The following FUZ variants were observed in gnomAD, a reference collection of about 807,000 sequenced individuals.
The protein encoded by FUZ is protein fuzzy homolog.
FUZ carries 31 observed loss-of-function variants against 43.1 expected under a neutral mutation model. That is an observed-to-expected ratio of 0.72 (90% confidence interval 0.54 to 0.97). The LOEUF (loss-of-function observed/expected upper bound fraction) is 0.97, where lower values mean the gene tolerates loss of function less well. Ranked by LOEUF, FUZ falls within the 50% of genes least tolerant of loss-of-function variation. The pLI, the probability that FUZ is intolerant of heterozygous loss-of-function variation, is 0.00. For missense variants in FUZ, 539 were observed against 543.8 expected, an observed-to-expected ratio of 0.99 and a Z score of 0.09; for synonymous variants, 274 against 250.0, an observed-to-expected ratio of 1.10 and a Z score of -0.91.
rs757100171 is a variant in FUZ at position 49,809,407 on chromosome 19, G to C, written c.661C>G (p.Pro221Ala). Residue 221 changes from proline (P) to alanine (A), a missense_variant, in exon 6 of 11, where the codon CCG (proline) becomes GCG (alanine). Physicochemically the swap from Pro to Ala is conservative, Grantham distance 27. Coordinates refer to ENST00000313777, the MANE Select transcript of FUZ (RefSeq NM_025129.5). The surrounding 1 kb of genome is among the most constrained non-coding windows in gnomAD (Gnocchi z 5.1). Reference sequence around the variant, plus strand: ...GGGCTCCCGTGCGGCAGGTACACCGGGTAGTCGCGAGCGGTCTGCGGCGGC... The same window carrying C: ...GGGCTCCCGTGCGGCAGGTACACCGCGTAGTCGCGAGCGGTCTGCGGCGGC... Reference protein sequence around the residue: ...SLPPQTARDYPVYLPHGSPTV... With the variant: ...SLPPQTARDYAVYLPHGSPTV... 1.3e-6 allele frequency: 2 copies of C among 1,543,586 alleles called. No homozygotes were observed. The highest frequency in any genetic ancestry group is 3.9e-5 in the Admixed American group (2 of 51,000).
intron 2 of FUZ, 84 bp downstream of exon 2, chr19:49,812,531 A>G: frequency 6.3e-7 from 1 of 1,581,900 alleles, no homozygotes; most frequent in Non-Finnish European, 8.7e-7. Flanking sequence ...AGCTGCTTTT[A>G]GAGAGCTGGA....
chr19:49,811,782 C>T, intron 3 of FUZ, 83 bp from the exon 4 acceptor site: 2 of 1,151,154 alleles, frequency 1.7e-6, no homozygotes, highest in South Asian at 1.2e-5. Flanking sequence ...CTGGGACTCC[C>T]ACTTCTGGGT....
At chr19:49,808,157 GC>G in intron 10 of FUZ, 1 of 567,950 alleles carries the variant, frequency 1.8e-6, no homozygotes, top group South Asian at 1.9e-5. Context: ...ACGTGTAAAG[GC>G]ACTGGGAAGA....
Position 49,808,472 on chromosome 19 carries a change from C to A in FUZ, c.975G>T (p.Gln325His). The change falls in exon 10 of 11, where the codon CAG becomes CAT. Residue 325 changes from glutamine (Q) to histidine (H), a missense_variant. Coordinates refer to ENST00000313777, the MANE Select transcript of FUZ (RefSeq NM_025129.5). ...AGAAGTTTCGGAGGAGGCGCCGGCG[C>A]TGTTCTGGTGAAGGCTCTGCTGGGA... ...PLGDKEPSPE[Q>H]RRRLLRNFYT... The A allele has an allele frequency of 6.2e-7, 1 of 1,612,304 alleles. No homozygotes were observed. The highest frequency in any genetic ancestry group is 8.5e-7 in the Non-Finnish European group (1 of 1,179,520).
Position 49,812,351 on chromosome 19 carries a change from GAGA to G in FUZ, c.234-19_234-17del. ...GAGGGTGATGCTGTGGAATGGAAGT[GAGA>G]AGAATGAGTCAAGGCCTGGGGAATC... On this transcript the variant is annotated splice_polypyrimidine_tract_variant and intron_variant, in intron 2 of 10. Coordinates refer to ENST00000313777, the MANE Select transcript of FUZ (RefSeq NM_025129.5). 1 of 1,607,692 alleles carries G rather than the reference GAGA, an allele frequency of 6.2e-7. No individual in the cohort carries two copies. Among genetic ancestry groups the G allele is most frequent in the Admixed American group, 1.7e-5 (1 of 60,016 alleles).
chr19:49,809,399 G>A lies in FUZ; in HGVS notation c.669C>T (p.Tyr223=). 6.5e-7 allele frequency: 1 copy of A among 1,543,718 alleles called. No homozygotes were observed. Among genetic ancestry groups the A allele is most frequent in the Non-Finnish European group, 8.7e-7 (1 of 1,146,814 alleles). Residue 223 remains tyrosine (Y), a synonymous_variant, in exon 6 of 11, where the codon TAC becomes TAT. Coordinates refer to ENST00000313777, the MANE Select transcript of FUZ (RefSeq NM_025129.5). This position sits in a 1 kb window ranked among gnomAD's most constrained non-coding sequence, Gnocchi z 5.1. ...PPQTARDYPV[Y]LPHGSPTVPH... ...TCACCGTGGGGCTCCCGTGCGGCAG[G>A]TACACCGGGTAGTCGCGAGCGGTCT...
chr19:49,809,171 A>G lies in FUZ; in HGVS notation c.778T>C (p.Tyr260His). 1 of 1,551,714 alleles carries G rather than the reference A, an allele frequency of 6.4e-7. No homozygotes were observed. The highest frequency in any genetic ancestry group is 8.7e-7 in the Non-Finnish European group (1 of 1,147,132). ...ACGTGGCGCGGGTTCACCTGTGGATACAACTGGCTGAGGGGTGGGCTCGGC... is the reference window on the plus strand; with the variant it reads ...ACGTGGCGCGGGTTCACCTGTGGATGCAACTGGCTGAGGGGTGGGCTCGGC... ...CGPSPPLSQL[Y>H]PQLLERWWQP... The change falls in exon 7 of 11, where the codon TAT becomes CAT. Residue 260 changes from tyrosine (Y) to histidine (H), a missense_variant. By Grantham distance (83) the Tyr-to-His change is moderately conservative. Coordinates refer to ENST00000313777, the MANE Select transcript of FUZ (RefSeq NM_025129.5). This position sits in a 1 kb window ranked among gnomAD's most constrained non-coding sequence, Gnocchi z 5.1.
At chr19:49,812,912 C>T in intron 1 of FUZ, 84 bp downstream of exon 1, 1 of 1,390,282 alleles carries the variant, frequency 7.2e-7, no homozygotes, top group Middle Eastern at 1.8e-4. Flanking sequence ...AACACTGAAA[C>T]TTCCCCAGCC....
chr19:49,808,518 GC>G (rs747195499), intron 9 of FUZ, 30 bp from the exon 10 acceptor site: 10 of 1,601,296 alleles, frequency 6.2e-6, no homozygotes, highest in Middle Eastern at 1.8e-4. Flanking sequence ...GTGATGCAGA[GC>G]GCCTCCCCGG....
At position 49,812,875 on chromosome 19, in the gene FUZ, C is replaced by T. The variant is rs1416418164; in HGVS notation, c.111+121G>A. ...TCTTTGGGGAACCAGGCTTATTGGTCCATTGCCTCCTCGGTCCTACAAATT... is the reference window on the plus strand; with the variant it reads ...TCTTTGGGGAACCAGGCTTATTGGTTCATTGCCTCCTCGGTCCTACAAATT... On this transcript the variant is annotated intron_variant, in intron 1 of 10. Transcript: ENST00000313777. The T allele has an allele frequency of 2.2e-6, 3 of 1,344,220 alleles. No homozygotes were observed. The East Asian group carries it at 7.1e-5, about 32-fold the overall frequency. The allele number at this position is 1,344,220 out of a possible 1,614,324, so 83.3% of individuals were successfully genotyped here.
In FUZ at chr19:49,807,020, T is replaced by TGCCCCC; in HGVS notation, c.*130_*131insGGGGGC. Reference sequence around the variant, plus strand: ...AGGGGCCAGGGAAGTGGATGTCTCCTCCCCTCCCACCCCACCCTGTTGTAG... The same window carrying TGCCCCC: ...AGGGGCCAGGGAAGTGGATGTCTCCTGCCCCCCCCCTCCCACCCCACCCTGTTGTAG... On this transcript the variant is annotated 3_prime_UTR_variant, in exon 11 of 11. Coordinates refer to ENST00000313777, the MANE Select transcript of FUZ (RefSeq NM_025129.5). 6.0e-6 allele frequency: 8 copies of TGCCCCC among 1,338,530 alleles called. No homozygotes were observed. Among genetic ancestry groups the TGCCCCC allele is most frequent in the Non-Finnish European group, 8.0e-6 (8 of 996,902 alleles). 82.9% of individuals were successfully genotyped at this position (1,338,530 alleles called of 1,614,324 possible).
rs1243181347 is a variant in FUZ, at chr19:49,808,901, A to G, written c.787-78T>C. 1.7e-5 allele frequency: 17 copies of G among 1,011,684 alleles called. No homozygotes were observed. In the African/African-American group the frequency reaches 3.0e-4, roughly 18 times the overall value. The allele number at this position is 1,011,684 out of a possible 1,614,324, so 62.7% of individuals were successfully genotyped here. On this transcript the variant is annotated intron_variant, in intron 7 of 10. Coordinates refer to ENST00000313777, the MANE Select transcript of FUZ (RefSeq NM_025129.5). ...GGGAGGTCGGGGGGTGTACAAGGATAGGGGCGTGGTCAATCGGGAGGGGCG... is the reference window on the plus strand; with the variant it reads ...GGGAGGTCGGGGGGTGTACAAGGATGGGGGCGTGGTCAATCGGGAGGGGCG...
chr19:49,809,492 C>A lies in FUZ; in HGVS notation c.576G>T (p.Glu192Asp). The change falls in exon 6 of 11, where the codon GAG becomes GAT. Residue 192 changes from glutamate (E) to aspartate (D), a missense_variant. Transcript: ENST00000313777. The surrounding 1 kb of genome is among the most constrained non-coding windows in gnomAD (Gnocchi z 5.1). ...CGGGCGTCCCCAGCCGCCACCAACCCTCTGTTGCTGCCACCACCCGGCCGG... is the reference window on the plus strand; with the variant it reads ...CGGGCGTCCCCAGCCGCCACCAACCATCTGTTGCTGCCACCACCCGGCCGG... Reference protein sequence around the residue: ...VVSGRVVAATEGWWRLGTPEA... With the variant: ...VVSGRVVAATDGWWRLGTPEA... 6.3e-7 allele frequency: 1 copy of A among 1,590,846 alleles called. No individual in the cohort carries two copies. The highest frequency in any genetic ancestry group is 2.3e-5 in the East Asian group (1 of 44,008).
chr19:49,812,271 G>A lies in FUZ; in HGVS notation c.298C>T (p.Gln100Ter). The A allele has an allele frequency of 1.2e-6, 2 of 1,613,562 alleles. No homozygotes were observed. The highest frequency in any genetic ancestry group is 1.7e-6 in the Non-Finnish European group (2 of 1,179,516). ...CTCACCATGGCTCCAAACACCATTTGGAGTAGTCTCTCCAGCCTCAGCTCA... is the reference window on the plus strand; with the variant it reads ...CTCACCATGGCTCCAAACACCATTTAGAGTAGTCTCTCCAGCCTCAGCTCA... ...ISELRLERLL[Q>*]MVFGAMVLLV... The change falls in exon 3 of 11, where the codon CAA (glutamine) becomes TAA (stop). Residue 100 changes from glutamine to a stop codon, truncating the protein, a stop_gained. Coordinates refer to ENST00000313777, the MANE Select transcript of FUZ (RefSeq NM_025129.5). LOFTEE classifies it high-confidence loss of function.
intron 3 of FUZ, 131 bp from the exon 4 acceptor site, chr19:49,811,830 G>A (rs542661982): frequency 4.0e-4 from 329 of 823,720 alleles, no homozygotes; most frequent in Non-Finnish European, 5.7e-4. Context: ...GGTTCTGGCC[G>A]GGCGCGGAGG....
In FUZ at chr19:49,808,623, G is replaced by A. The variant is rs1380732483; in HGVS notation, c.909C>T (p.His303=). 1.2e-6 allele frequency: 2 copies of A among 1,613,412 alleles called. No homozygotes were observed. Among genetic ancestry groups the A allele is most frequent in the Non-Finnish European group, 1.7e-6 (2 of 1,179,758 alleles). The change falls in exon 9 of 11, where the codon CAC becomes CAT. Residue 303 remains histidine (H), a synonymous_variant. Transcript: ENST00000313777. The part of the protein sequence containing the change: ...HTDILGLLLL[H]LELKRCLFTV... ...TGAAGAGGCAGCGCTTCAGTTCCAG[G>A]TGGAGGAGCAGCAGCCTGTGGGAAA...
At chr19:49,808,191 T>C in intron 10 of FUZ, 6 of 618,490 alleles carry the variant, frequency 9.7e-6, no homozygotes, top group Non-Finnish European at 8.7e-6. Flanking sequence ...GTGTTAACTA[T>C]TGTTGACTAT....
Position 49,806,951 on chromosome 19 carries a change from G to C in FUZ, c.*200C>G. 6.5e-7 allele frequency: 1 copy of C among 1,533,738 alleles called. No individual in the cohort carries two copies. Among genetic ancestry groups the C allele is most frequent in the Non-Finnish European group, 8.7e-7 (1 of 1,146,688 alleles). On this transcript the variant is annotated 3_prime_UTR_variant, in exon 11 of 11. Transcript: ENST00000313777. ...GCTGTTTACATTCTGGGGGGTTAGG[G>C]GGAGTCCCCCTCCCTCCCTTTCCCC...
intron 1 of FUZ, 34 bp downstream of exon 1, chr19:49,812,962 C>G: frequency 6.6e-7 from 1 of 1,517,668 alleles, no homozygotes; most frequent in Non-Finnish European, 9.0e-7. Flanking sequence ...CACCGAACCC[C>G]CTTCGGTTTA....
Sources: allele counts gnomAD v4.1 joint callset, GRCh38; gene constraint gnomAD v4.1.1; non-coding constraint Gnocchi (gnomAD v3.1); transcripts MANE v1.5; gene names NCBI Gene and HGNC (gene_info 2026-07-23, HGNC 2026-07-21).